HSDL2: variants seen among roughly 807,000 people sequenced by gnomAD.
The protein encoded by HSDL2 is hydroxysteroid dehydrogenase like 2, also known as hydroxysteroid dehydrogenase-like protein 2.
HSDL2 carries 27 observed loss-of-function variants against 46.3 expected under a neutral mutation model. The observed-to-expected ratio is 0.58, with a 90% CI of 0.43 to 0.80. The LOEUF (loss-of-function observed/expected upper bound fraction) is 0.80, where lower values mean the gene tolerates loss of function less well. Among genes scored for constraint, HSDL2 ranks in the 30% least tolerant of loss-of-function variants. The probability of loss-of-function intolerance (pLI) is 0.00; values close to 1 mark genes in which losing one functional copy is unlikely to be tolerated. For missense variants in HSDL2, 451 were observed against 502.7 expected (o/e 0.90, Z 0.98); for synonymous variants, 153 against 163.6 (o/e 0.94, Z 0.50).
intron 1 of HSDL2, among the ~76,000 whole-genome samples, chr9:112,387,520 A>G (rs1429421046): frequency 2.6e-5 from 4 of 152,002 alleles, no homozygotes; most frequent in African/African-American, 7.2e-5. Flanking sequence ...ATGCCTACCT[A>G]GGATTTGTTT....
At chr9:112,382,811 A>G (rs2132585366) in intron 1 of HSDL2, among the ~76,000 whole-genome samples, 1 of 152,220 alleles carries the variant, frequency 6.6e-6, no homozygotes, top group African/African-American at 2.4e-5. Flanking sequence ...CATTACAAAT[A>G]TTTTCCACAG....
intron 6 of HSDL2, among the ~76,000 whole-genome samples, chr9:112,431,748 C>T (rs560735045): frequency 2.0e-5 from 3 of 152,120 alleles, no homozygotes; most frequent in East Asian, 3.9e-4. Flanking sequence ...CACCTTCCAC[C>T]GTGAGTACAA....
At chr9:112,430,878 C>A (rs1368238846) in intron 6 of HSDL2, among the ~76,000 whole-genome samples, 1 of 151,710 alleles carries the variant, frequency 6.6e-6, no homozygotes, top group African/African-American at 2.4e-5. Flanking sequence ...CATGGTGAAA[C>A]CCCATCTGTA....
chr9:112,441,621 A>G (rs2132674521), intron 7 of HSDL2, 78 bp from the exon 8 acceptor site: 2 of 886,032 alleles, frequency 2.3e-6, no homozygotes, highest in Admixed American at 2.2e-5. Flanking sequence ...AATAAAATAG[A>G]TATGTTTATT....
chr9:112,404,094 T>C lies in HSDL2; in HGVS notation c.117T>C (p.Ile39=). The C allele has an allele frequency of 6.2e-7, 1 of 1,614,178 alleles. No homozygotes were observed. The highest frequency in any genetic ancestry group is 1.3e-5 in the African/African-American group (1 of 75,036). ...KAAKDGANIV[I]AAKTAQPHPK... ...CAAAGGATGGAGCAAATATTGTTAT[T>C]GCTGCAAAGACCGCCCAGCCACATC... The change falls in exon 2 of 11, where the codon ATT becomes ATC. Residue 39 remains isoleucine, a synonymous_variant. Transcript: ENST00000398805.
intron 10 of HSDL2, among the ~76,000 whole-genome samples, chr9:112,466,069 TTTG>T (rs1269545460): frequency 6.6e-6 from 1 of 152,192 alleles, no homozygotes; most frequent in East Asian, 1.9e-4. Flanking sequence ...TTGTTATTAT[TTTG>T]TTTTTTCATT....
At position 112,448,713 on chromosome 9, in the gene HSDL2, T is replaced by C. The variant is rs1423205214; in HGVS notation, c.866-5300T>C. On this transcript the variant is annotated intron_variant, in intron 8 of 10. Transcript: ENST00000398805. ...ATTACAGGCTTGCCACCCAGCTAATTTTTTTTTTTATTTTTTTATTTTTAG... is the reference window on the plus strand; with the variant it reads ...ATTACAGGCTTGCCACCCAGCTAATCTTTTTTTTTATTTTTTTATTTTTAG... Among the ~76,000 whole-genome samples, 3 of 508 alleles carry C rather than the reference T, an allele frequency of 5.9e-3. No individual in the cohort carries two copies. The African/African-American group carries it at 0.068, about 12-fold the overall frequency. 0.3% of individuals were successfully genotyped at this position (508 alleles called of 152,430 possible).
intron 1 of HSDL2, among the ~76,000 whole-genome samples, chr9:112,396,262 CT>C (rs532291399): frequency 6.6e-5 from 10 of 152,140 alleles, no homozygotes; most frequent in Admixed American, 3.9e-4. Context: ...CTCTGGTGAA[CT>C]TCATCAGCTT....
At chr9:112,419,482 T>C (rs918326680) in intron 6 of HSDL2, among the ~76,000 whole-genome samples, 1 of 152,204 alleles carries the variant, frequency 6.6e-6, no homozygotes, top group Non-Finnish European at 1.5e-5. Flanking sequence ...CTTCAGCCAA[T>C]AGCCTTTGTA....
chr9:112,467,578 C>T (rs943665186), intron 10 of HSDL2, among the ~76,000 whole-genome samples: 20 of 152,130 alleles, frequency 1.3e-4, no homozygotes, highest in African/African-American at 3.6e-4. Context: ...CCCATCATTC[C>T]GGCTCCATCC....
At chr9:112,414,520 C>T (rs1831947240) in intron 4 of HSDL2, among the ~76,000 whole-genome samples, 1 of 152,120 alleles carries the variant, frequency 6.6e-6, no homozygotes, top group Non-Finnish European at 1.5e-5. Flanking sequence ...GTGACAGATG[C>T]ACCTGATGTA....
At chr9:112,439,159 C>A (rs969028254) in intron 7 of HSDL2, among the ~76,000 whole-genome samples, 2 of 152,104 alleles carry the variant, frequency 1.3e-5, no homozygotes, top group African/African-American at 4.8e-5. Context: ...TGCCACCACA[C>A]CTGGTTAATT....
At chr9:112,407,140 C>T (rs1831750412) in intron 3 of HSDL2, among the ~76,000 whole-genome samples, 2 of 152,224 alleles carry the variant, frequency 1.3e-5, no homozygotes, top group Non-Finnish European at 2.9e-5. Flanking sequence ...AATCTTACCC[C>T]TAGCCGGCAG....
At chr9:112,457,104 C>T (rs1419535808) in intron 9 of HSDL2, among the ~76,000 whole-genome samples, 2 of 151,660 alleles carry the variant, frequency 1.3e-5, no homozygotes, top group African/African-American at 4.9e-5. Flanking sequence ...GCCCAGATCG[C>T]ATCACTGCAC....
chr9:112,445,051 A>T (rs781663402), intron 8 of HSDL2, among the ~76,000 whole-genome samples: 4 of 151,642 alleles, frequency 2.6e-5, no homozygotes, highest in Admixed American at 2.6e-4. Flanking sequence ...GCTAATTTTT[A>T]AATTTTTTGT....
At chr9:112,465,340 G>A (rs1833344152) in intron 10 of HSDL2, among the ~76,000 whole-genome samples, 1 of 152,146 alleles carries the variant, frequency 6.6e-6, no homozygotes. Flanking sequence ...TGTTGGCCAG[G>A]CTGGTCTCGA....
At chr9:112,393,130 C>T (rs930595450) in intron 1 of HSDL2, among the ~76,000 whole-genome samples, 1 of 152,204 alleles carries the variant, frequency 6.6e-6, no homozygotes, top group Non-Finnish European at 1.5e-5. Flanking sequence ...AAATTTACTA[C>T]AGTGGAGCCC....
At chr9:112,384,199 T>C (rs966701895) in intron 1 of HSDL2, among the ~76,000 whole-genome samples, 2 of 152,260 alleles carry the variant, frequency 1.3e-5, no homozygotes, top group Non-Finnish European at 2.9e-5. Context: ...TACTTTTACC[T>C]GATTTTGGGG....
At chr9:112,386,176 A>G (rs1452960077) in intron 1 of HSDL2, among the ~76,000 whole-genome samples, 1 of 152,084 alleles carries the variant, frequency 6.6e-6, no homozygotes. Flanking sequence ...TAACCCCACA[A>G]GTATTATTTT....
Sources: gnomAD v4.1 joint callset for allele counts (sites outside exome capture counted in the v4.1 genomes callset) on GRCh38, gnomAD v4.1.1 for gene constraint, MANE v1.5 for transcripts, NCBI Gene and HGNC (gene_info 2026-07-23, HGNC 2026-07-21) for gene names.